Variants in SPEF2 observed in about 807,000 individuals in gnomAD.
SPEF2 encodes sperm flagella and cilia-associated protein 2.
A neutral mutation model predicts 224.6 loss-of-function variants in SPEF2; 187 were observed. The observed-to-expected ratio is 0.83, with a 90% CI of 0.74 to 0.94. The LOEUF is 0.94. Ranked by LOEUF, SPEF2 falls within the 40% of genes least tolerant of loss-of-function variation. The pLI is 0.00. For synonymous variants in SPEF2, 715 were observed against 707.3 expected (o/e 1.01, Z -0.17); for missense variants, 2,170 against 2,135.6 (o/e 1.02, Z -0.32).
intron 18 of SPEF2, among the ~76,000 whole-genome samples, chr5:35,708,623 C>G (rs371641323): frequency 6.3e-4 from 15 of 23,824 alleles, no homozygotes; most frequent in East Asian, 3.4e-3. Flanking sequence ...ACCTCTACCT[C>G]CACCACCATC....
At chr5:35,693,643 G>A (rs1754854517) in intron 12 of SPEF2, among the ~76,000 whole-genome samples, 1 of 152,118 alleles carries the variant, frequency 6.6e-6, no homozygotes, top group Admixed American at 6.5e-5. Flanking sequence ...GAGTCAGAAG[G>A]CTTGTCAATA....
chr5:35,784,550 A>G (rs148534224), intron 30 of SPEF2, among the ~76,000 whole-genome samples: 194 of 152,358 alleles, frequency 1.3e-3, no homozygotes, highest in African/African-American at 4.6e-3. Context: ...AGGCAGAACT[A>G]GCTATTGCTG....
chr5:35,738,024 G>T (rs1488812023), intron 21 of SPEF2, among the ~76,000 whole-genome samples: 3 of 152,162 alleles, frequency 2.0e-5, no homozygotes, highest in Non-Finnish European at 2.9e-5. Flanking sequence ...TTTAAGAAGT[G>T]TCTGTTCATA....
intron 19 of SPEF2, chr5:35,710,502 A>G (rs532288081): frequency 2.5e-6 from 2 of 807,874 alleles, no homozygotes; most frequent in East Asian, 2.5e-4. Context: ...GGTTGCAGTG[A>G]GCCGAGATTG....
intron 16 of SPEF2, among the ~76,000 whole-genome samples, chr5:35,701,856 G>A (rs1233129087): frequency 1.3e-5 from 2 of 152,148 alleles, no homozygotes; most frequent in Middle Eastern, 3.2e-3. Context: ...GCACATGTCT[G>A]TGATCCTAGC....
At position 35,761,523 on chromosome 5, in the gene SPEF2, A is replaced by G. The variant is rs977477054; in HGVS notation, c.3620+1804A>G. ...TATTTTATGCAGCGATCCAAAGCCC[A>G]TTTTTGTTCTCTCCTGGCTTTTTCC... On this transcript the variant is annotated intron_variant, in intron 25 of 36. Coordinates refer to ENST00000356031, the MANE Select transcript of SPEF2 (RefSeq NM_024867.4). Among the ~76,000 whole-genome samples the G allele has an allele frequency of 1.9e-4, 29 of 152,114 alleles. 1 individual carries two copies.
At chr5:35,628,205 C>T (rs369751338) in intron 1 of SPEF2, among the ~76,000 whole-genome samples, 5 of 152,048 alleles carry the variant, frequency 3.3e-5, no homozygotes, top group African/African-American at 1.2e-4. Flanking sequence ...AAAATTTTAT[C>T]TGTTGTCTTT....
chr5:35,804,069 G>A (rs938076962), intron 34 of SPEF2, among the ~76,000 whole-genome samples: 11 of 152,308 alleles, frequency 7.2e-5, no homozygotes, highest in African/African-American at 2.4e-4. Context: ...CAAAAGTCTT[G>A]TAAAAACATC....
intron 27 of SPEF2, 145 bp from the exon 28 acceptor site, chr5:35,773,748 G>A: frequency 1.1e-6 from 1 of 915,184 alleles, no homozygotes. Context: ...CATCACAGAT[G>A]CTGGGAGGAC....
chr5:35,635,072 A>G (rs1225907134), intron 2 of SPEF2, among the ~76,000 whole-genome samples: 1 of 151,924 alleles, frequency 6.6e-6, no homozygotes, highest in African/African-American at 2.4e-5. Flanking sequence ...TGTTTTTCTC[A>G]TGATTAGAGT....
intron 36 of SPEF2, chr5:35,808,356 C>T (rs1334832652): frequency 1.1e-5 from 2 of 176,070 alleles, no homozygotes; most frequent in Non-Finnish European, 2.2e-5. Flanking sequence ...CCCATTAACT[C>T]GTCATTTACA....
intron 25 of SPEF2, among the ~76,000 whole-genome samples, chr5:35,760,603 G>T (rs896429493): frequency 6.6e-6 from 1 of 152,048 alleles, no homozygotes; most frequent in Non-Finnish European, 1.5e-5. Flanking sequence ...AAATAAACTT[G>T]GTGGTAGGAT....
chr5:35,621,293 A>G (rs1355191023), intron 1 of SPEF2, among the ~76,000 whole-genome samples: 1 of 152,166 alleles, frequency 6.6e-6, no homozygotes, highest in Non-Finnish European at 1.5e-5. Context: ...ATGTGGGTAT[A>G]CCATACCCTG....
chr5:35,664,966 T>C lies in SPEF2; in HGVS notation c.1168-2106T>C, dbSNP rs150688656. Among the ~76,000 whole-genome samples the C allele has an allele frequency of 1.9e-3, 294 of 152,320 alleles. 2 individuals are homozygous for C. Among genetic ancestry groups the C allele is most frequent in the African/African-American group, 6.7e-3 (277 of 41,572 alleles). ...TTGAGACAATTGCAAAACTATTCTA[T>C]ATTAAGACAGTTCCTGATTTCAAAT... On this transcript the variant is annotated intron_variant, in intron 8 of 36. Transcript: ENST00000356031.
chr5:35,743,054 C>G (rs1747930557), intron 23 of SPEF2, among the ~76,000 whole-genome samples: 1 of 150,940 alleles, frequency 6.6e-6, no homozygotes, highest in African/African-American at 2.4e-5. Context: ...TGTGAGAAGA[C>G]TCTAAAATAT....
chr5:35,733,367 G>A (rs1745988041), intron 21 of SPEF2, among the ~76,000 whole-genome samples: 1 of 152,128 alleles, frequency 6.6e-6, no homozygotes, highest in African/African-American at 2.4e-5. Flanking sequence ...ACCTGCCTTG[G>A]CCTCCCAAAG....
At chr5:35,653,839 CG>C (rs1297820412) in intron 6 of SPEF2, among the ~76,000 whole-genome samples, 2 of 148,868 alleles carry the variant, frequency 1.3e-5, no homozygotes, top group Admixed American at 1.3e-4. Context: ...CCCAGCTACT[CG>C]GGAGGCTGAG....
intron 17 of SPEF2, 33 bp downstream of exon 17, chr5:35,704,695 T>C (rs1739380071): frequency 8.1e-7 from 1 of 1,241,316 alleles, no homozygotes; most frequent in Non-Finnish European, 1.2e-6. Flanking sequence ...TGCTTCTTGT[T>C]TCATGCTTTT....
intron 36 of SPEF2, among the ~76,000 whole-genome samples, chr5:35,809,864 A>G (rs896143545): frequency 6.6e-5 from 10 of 152,132 alleles, no homozygotes; most frequent in African/African-American, 2.2e-4. Flanking sequence ...TCCCTGCTCC[A>G]CATATCAGGG....
Sources: gnomAD v4.1 joint callset for allele counts (sites outside exome capture counted in the v4.1 genomes callset) on GRCh38, gnomAD v4.1.1 for gene constraint, MANE v1.5 for transcripts, NCBI Gene and HGNC (gene_info 2026-07-23, HGNC 2026-07-21) for gene names.